SGCD: variants seen among roughly 807,000 people sequenced by gnomAD.
The protein encoded by SGCD is delta-sarcoglycan.
Under a neutral mutation model 36.6 loss-of-function variants are expected in SGCD, and 18 were observed. That is an observed-to-expected ratio of 0.49 (90% CI 0.34 to 0.73). The LOEUF (loss-of-function observed/expected upper bound fraction) is 0.73, where lower values mean the gene tolerates loss of function less well. Among genes scored for constraint, SGCD ranks in the 30% least tolerant of loss-of-function variants. The pLI, the probability that SGCD is intolerant of heterozygous loss-of-function variation, is 0.01. For missense variants in SGCD, 387 were observed against 346.7 expected, an observed-to-expected ratio of 1.12 and a Z score of -0.92; for synonymous variants, 133 against 130.6, an observed-to-expected ratio of 1.02 and a Z score of -0.12.
the SGCD span, among the ~76,000 whole-genome samples, chr5:155,776,325 A>T: frequency 2.0e-5 from 3 of 152,132 alleles, no homozygotes; most frequent in African/African-American, 7.2e-5. Flanking sequence ...TACATTGGAC[A>T]AGTCAGTTTG....
rs145056153 is a variant in SGCD, at chr5:156,182,396, G to T, written c.-44+58377G>T. On this transcript the variant is annotated intron_variant, in intron 3 of 9. Coordinates refer to the SGCD transcript ENST00000517913. Reference sequence around the variant, plus strand: ...ACTTGAGTCCAGGAGTATGAGAAAAGCCTTGGTGATGTGGTGAAACCCCAT... The same window carrying T: ...ACTTGAGTCCAGGAGTATGAGAAAATCCTTGGTGATGTGGTGAAACCCCAT... 1.7e-3 allele frequency among the ~76,000 whole-genome samples: 255 copies of T among 152,172 alleles called. 2 individuals are homozygous for T. Among genetic ancestry groups the T allele is most frequent in the African/African-American group, 5.9e-3 (243 of 41,530 alleles).
intron 3 of SGCD, among the ~76,000 whole-genome samples, chr5:156,392,430 A>G (rs558044449): frequency 4.6e-5 from 7 of 152,242 alleles, no homozygotes; most frequent in South Asian, 2.1e-4. Context: ...GCACTATTCA[A>G]ACTTCTAAGG....
At chr5:156,087,224 A>T (rs1761120531) in intron 1 of SGCD, among the ~76,000 whole-genome samples, 1 of 152,194 alleles carries the variant, frequency 6.6e-6, no homozygotes, top group South Asian at 2.1e-4. Context: ...GTCAGACGTG[A>T]TGTGAATTTG....
chr5:156,121,437 G>A (rs562210941), intron 2 of SGCD, among the ~76,000 whole-genome samples: 14 of 152,164 alleles, frequency 9.2e-5, no homozygotes, highest in South Asian at 4.1e-4. Context: ...TGGTGGAACC[G>A]GAACCTGAAC....
chr5:155,843,455 A>G, the SGCD span, among the ~76,000 whole-genome samples: 2 of 152,194 alleles, frequency 1.3e-5, no homozygotes, highest in Non-Finnish European at 2.9e-5. Context: ...GGGAGGTAAC[A>G]GCAGATTTAT....
chr5:156,662,854 A>G (rs1763986472), intron 7 of SGCD, among the ~76,000 whole-genome samples: 1 of 151,472 alleles, frequency 6.6e-6, no homozygotes, highest in Non-Finnish European at 1.5e-5. Flanking sequence ...TCATTTGCTA[A>G]TAAATGTAAA....
At chr5:155,912,494 T>C (rs1320277271) in intron 1 of SGCD, among the ~76,000 whole-genome samples, 3 of 152,190 alleles carry the variant, frequency 2.0e-5, no homozygotes, top group Admixed American at 6.5e-5. Flanking sequence ...AACTAGTCTC[T>C]TCAAACAGTG....
At chr5:156,151,469 G>A (rs1252528966) in intron 3 of SGCD, among the ~76,000 whole-genome samples, 3 of 151,588 alleles carry the variant, frequency 2.0e-5, no homozygotes, top group Non-Finnish European at 4.4e-5. Context: ...CTTATTTACT[G>A]CACTTTTATT....
chr5:155,753,119 C>T, the SGCD span, among the ~76,000 whole-genome samples: 5 of 151,996 alleles, frequency 3.3e-5, no homozygotes, highest in African/African-American at 1.2e-4. Flanking sequence ...GGGAAGATCA[C>T]GAGGTCAAGA....
intron 3 of SGCD, among the ~76,000 whole-genome samples, chr5:156,274,647 A>G (rs1766269791): frequency 6.6e-6 from 1 of 152,162 alleles, no homozygotes; most frequent in Non-Finnish European, 1.5e-5. Context: ...GACAAGCACA[A>G]ACACTAGAAC....
chr5:156,076,757 T>G (rs1223866664), intron 1 of SGCD, among the ~76,000 whole-genome samples: 1 of 152,206 alleles, frequency 6.6e-6, no homozygotes, highest in African/African-American at 2.4e-5. Context: ...GAACATTACA[T>G]CTGGGTAATT....
chr5:156,236,451 C>CTT (rs34510001), intron 3 of SGCD, among the ~76,000 whole-genome samples: 56 of 142,176 alleles, frequency 3.9e-4, no homozygotes, highest in South Asian at 2.0e-3. Flanking sequence ...AATTCGTATA[C>CTT]TTTTTTTTTT....
chr5:155,940,799 C>T (rs1266898275), intron 1 of SGCD, among the ~76,000 whole-genome samples: 3 of 151,886 alleles, frequency 2.0e-5, no homozygotes, highest in Admixed American at 6.6e-5. Flanking sequence ...GAGCCAAGAT[C>T]GTGCCACTGC....
intron 4 of SGCD, among the ~76,000 whole-genome samples, chr5:156,511,933 T>C (rs1209682081): frequency 6.6e-6 from 1 of 152,284 alleles, no homozygotes; most frequent in East Asian, 1.9e-4. Context: ...TGGTGGCTCA[T>C]GCCTGTAATC....
chr5:155,926,141 A>G (rs1756993608), intron 1 of SGCD, among the ~76,000 whole-genome samples: 1 of 152,146 alleles, frequency 6.6e-6, no homozygotes, highest in East Asian at 1.9e-4. Context: ...CATCTTGACT[A>G]ATTACATCCA....
At chr5:156,626,300 G>A (rs1762440142) in intron 6 of SGCD, among the ~76,000 whole-genome samples, 1 of 152,176 alleles carries the variant, frequency 6.6e-6, no homozygotes, top group Admixed American at 6.5e-5. Flanking sequence ...ATTCTTTGAG[G>A]TTGCAGATTA....
At chr5:156,302,081 C>T (rs971477366) in intron 3 of SGCD, among the ~76,000 whole-genome samples, 1 of 152,076 alleles carries the variant, frequency 6.6e-6, no homozygotes, top group African/African-American at 2.4e-5. Context: ...GTTATTATCC[C>T]TTTGAATAAA....
chr5:155,791,389 A>G, the SGCD span, among the ~76,000 whole-genome samples: 1 of 152,160 alleles, frequency 6.6e-6, no homozygotes, highest in Non-Finnish European at 1.5e-5. Flanking sequence ...CTTATTCAAC[A>G]TAGTACTGGA....
intron 3 of SGCD, among the ~76,000 whole-genome samples, chr5:156,293,586 T>C (rs953636629): frequency 6.6e-6 from 1 of 152,214 alleles, no homozygotes; most frequent in Non-Finnish European, 1.5e-5. Flanking sequence ...ATATCTTCCC[T>C]ATTAAATGAT....
Sources: allele counts gnomAD v4.1 joint callset (sites outside exome capture counted in the v4.1 genomes callset), GRCh38; gene constraint gnomAD v4.1.1; transcripts MANE v1.5; gene names NCBI Gene and HGNC (gene_info 2026-07-23, HGNC 2026-07-21).